DNAAF9: variants seen among roughly 807,000 people sequenced by gnomAD.
DNAAF9 encodes dynein axonemal assembly factor 9, also known as shulin.
A neutral mutation model predicts 167.0 loss-of-function variants in DNAAF9; 90 were observed. The ratio of observed to expected loss-of-function variants is 0.54; its 90% confidence interval spans 0.45 to 0.64. The LOEUF (loss-of-function observed/expected upper bound fraction) is 0.64, where lower values mean the gene tolerates loss of function less well. Among genes scored for constraint, DNAAF9 ranks in the 30% least tolerant of loss-of-function variants. The pLI, the probability that DNAAF9 is intolerant of heterozygous loss-of-function variation, is 0.00. For missense variants in DNAAF9, 1,315 were observed against 1,442.2 expected, an observed-to-expected ratio of 0.91 and a Z score of 1.43; for synonymous variants, 491 against 508.8, an observed-to-expected ratio of 0.96 and a Z score of 0.47.
At chr20:3,407,404 G>A (rs1370376535) in intron 1 of DNAAF9, 71 bp downstream of exon 1, 4 of 1,173,918 alleles carry the variant, frequency 3.4e-6, no homozygotes, top group African/African-American at 1.6e-5. Flanking sequence ...CCTGCGGCGG[G>A]AGGCGTCGCC....
intron 10 of DNAAF9, among the ~76,000 whole-genome samples, chr20:3,337,799 C>T (rs969322223): frequency 2.7e-4 from 41 of 151,908 alleles, no homozygotes; most frequent in Non-Finnish European, 4.7e-4. Context: ...TGTCTTATTA[C>T]ATTGCTGCCA....
chr20:3,330,766 C>A, intron 11 of DNAAF9, 84 bp from the exon 12 acceptor site: 1 of 766,386 alleles, frequency 1.3e-6, no homozygotes, highest in Non-Finnish European at 2.2e-6. Context: ...CTTAATTTAC[C>A]TGGAAGGCAT....
intron 8 of DNAAF9, among the ~76,000 whole-genome samples, chr20:3,347,824 A>G (rs763749751): frequency 2.0e-5 from 3 of 152,094 alleles, no homozygotes; most frequent in Admixed American, 1.3e-4. Flanking sequence ...TGGGAGGCTG[A>G]GGCAGGAGAA....
At chr20:3,394,893 G>A (rs937371824) in intron 1 of DNAAF9, among the ~76,000 whole-genome samples, 16 of 146,850 alleles carry the variant, frequency 1.1e-4, no homozygotes, top group African/African-American at 3.7e-4. Context: ...GATGAGGCAA[G>A]TCCTTCTATC....
At chr20:3,257,643 A>G (rs1373128506) in intron 33 of DNAAF9, among the ~76,000 whole-genome samples, 1 of 152,062 alleles carries the variant, frequency 6.6e-6, no homozygotes, top group Non-Finnish European at 1.5e-5. Flanking sequence ...TCCTGGGTTC[A>G]AGTGATTCTC....
At chr20:3,316,880 A>AG (rs2069510544) in intron 17 of DNAAF9, 87 bp from the exon 18 acceptor site, 1 of 493,600 alleles carries the variant, frequency 2.0e-6, no homozygotes, top group Non-Finnish European at 3.7e-6. Flanking sequence ...CCTTCTCAGG[A>AG]GCTAGGGTTC....
At position 3,376,065 on chromosome 20, in the gene DNAAF9, T is replaced by C. The variant is rs886359176; in HGVS notation, c.408+113A>G. Reference sequence around the variant, plus strand: ...TTCTCCACTTCAAACAGATAATCTTTTTTATATAGTCACACTCTGCAATTT... The same window carrying C: ...TTCTCCACTTCAAACAGATAATCTTCTTTATATAGTCACACTCTGCAATTT... On this transcript the variant is annotated intron_variant, in intron 4 of 36. Transcript: ENST00000252032. The C allele has an allele frequency of 3.6e-5, 35 of 974,754 alleles. No individual in the cohort carries two copies. In the South Asian group the frequency reaches 6.3e-4, roughly 18 times the overall value. The allele number at this position is 974,754 out of a possible 1,614,324, so 60.4% of individuals were successfully genotyped here.
Position 3,407,598 on chromosome 20 carries a change from C to G in DNAAF9, c.-41G>C. 8.2e-7 allele frequency: 1 copy of G among 1,214,624 alleles called. No homozygotes were observed. The highest frequency in any genetic ancestry group is 1.0e-6 in the Non-Finnish European group (1 of 976,786). The allele number at this position is 1,214,624 out of a possible 1,614,324, so 75.2% of individuals were successfully genotyped here. On this transcript the variant is annotated 5_prime_UTR_variant, in exon 1 of 37. Transcript: ENST00000252032. ...GCGGCGGAGGAGGACGGTGCAGCTG[C>G]GAGGGTCTCAGTTGCCCGCAGGGCG... is the stretch of plus-strand genomic sequence containing the variant.
intron 6 of DNAAF9, among the ~76,000 whole-genome samples, chr20:3,371,076 C>A (rs930048458): frequency 6.6e-6 from 1 of 151,956 alleles, no homozygotes; most frequent in Non-Finnish European, 1.5e-5. Flanking sequence ...CTACTTGGCC[C>A]CTTCCTCTGT....
At position 3,374,139 on chromosome 20, in the gene DNAAF9, AAT is replaced by A. The variant is rs768378663; in HGVS notation, c.519_520del (p.Phe174Ter). 6.2e-7 allele frequency: 1 copy of A among 1,610,648 alleles called. No individual in the cohort carries two copies. Among genetic ancestry groups the A allele is most frequent in the Non-Finnish European group, 8.5e-7 (1 of 1,176,862 alleles). ...CCATTTCTCCACCACAAACATATCA[AAT>A]ATCTGCAAGTGACCTAGAAGAATCA... is the stretch of plus-strand genomic sequence containing the variant. On this transcript the variant is annotated frameshift_variant, in exon 6 of 37. Transcript: ENST00000252032. LOFTEE classifies it high-confidence loss of function.
chr20:3,375,844 T>C (rs909596821), intron 4 of DNAAF9, among the ~76,000 whole-genome samples: 2 of 150,078 alleles, frequency 1.3e-5, no homozygotes, highest in African/African-American at 4.9e-5. Context: ...TGAGACTCCG[T>C]CCCAGAAAAA....
chr20:3,258,974 C>T (rs1031094333), intron 33 of DNAAF9, among the ~76,000 whole-genome samples: 1 of 152,232 alleles, frequency 6.6e-6, no homozygotes, highest in Non-Finnish European at 1.5e-5. Flanking sequence ...CTGACTCCTA[C>T]TGGTTTTGAG....
At chr20:3,336,633 T>A (rs1358954684) in intron 10 of DNAAF9, among the ~76,000 whole-genome samples, 1 of 152,126 alleles carries the variant, frequency 6.6e-6, no homozygotes, top group Non-Finnish European at 1.5e-5. Flanking sequence ...CACTGCAGCC[T>A]CTGCCACCCA....
chr20:3,305,539 T>C (rs2069275198), intron 20 of DNAAF9, among the ~76,000 whole-genome samples: 1 of 152,184 alleles, frequency 6.6e-6, no homozygotes, highest in Admixed American at 6.5e-5. Context: ...AGAAAAGCAG[T>C]GCAAAGCTCT....
In DNAAF9 at chr20:3,304,420, C is replaced by T. The variant is rs2122986523; in HGVS notation, c.1782+20G>A. 1 of 1,108,942 alleles carries T rather than the reference C, an allele frequency of 9.0e-7. No individual in the cohort carries two copies. The highest frequency in any genetic ancestry group is 1.4e-6 in the Non-Finnish European group (1 of 721,736). The allele number at this position is 1,108,942 out of a possible 1,614,324, so 68.7% of individuals were successfully genotyped here. A position where few individuals can be genotyped will look rare whatever the true frequency, so the allele number is the denominator to read the frequency against. The stretch of plus-strand genomic sequence containing the variant: ...AGCAACTTTCCGACCAAAAAAGCCA[C>T]TGACTAGTAAAACACCTACCCCATC... On this transcript the variant is annotated intron_variant, in intron 21 of 36. Transcript: ENST00000252032.
chr20:3,365,862 T>C (rs2083426825), intron 6 of DNAAF9, among the ~76,000 whole-genome samples: 1 of 152,220 alleles, frequency 6.6e-6, no homozygotes, highest in Non-Finnish European at 1.5e-5. Context: ...AAGAAACCAC[T>C]TTCTTTACTC....
At chr20:3,389,905 G>A (rs954047263) in intron 1 of DNAAF9, among the ~76,000 whole-genome samples, 12 of 151,988 alleles carry the variant, frequency 7.9e-5, no homozygotes, top group Admixed American at 3.9e-4. Flanking sequence ...GCGTGATGGC[G>A]TGCGCCTGTA....
intron 24 of DNAAF9, 34 bp downstream of exon 24, chr20:3,294,494 A>G: frequency 7.0e-7 from 1 of 1,418,442 alleles, no homozygotes; most frequent in Non-Finnish European, 1.0e-6. Flanking sequence ...AAAAGCCAGA[A>G]TATTAAACAT....
chr20:3,281,490 G>T, intron 28 of DNAAF9, 151 bp downstream of exon 28: 1 of 571,012 alleles, frequency 1.8e-6, no homozygotes, highest in Non-Finnish European at 2.9e-6. Flanking sequence ...TTGGCTATAA[G>T]TCCAAAGGGG....
Sources: allele counts gnomAD v4.1 joint callset (sites outside exome capture counted in the v4.1 genomes callset), GRCh38; gene constraint gnomAD v4.1.1; transcripts MANE v1.5; gene names NCBI Gene and HGNC (gene_info 2026-07-23, HGNC 2026-07-21).